SYT16: variants seen among roughly 807,000 people sequenced by gnomAD.
The protein encoded by SYT16 is synaptotagmin 16, also known as synaptotagmin-16.
SYT16 carries 42 observed loss-of-function variants against 61.4 expected under a neutral mutation model. That is an observed-to-expected ratio of 0.68 (90% CI 0.53 to 0.89). The LOEUF is 0.89. Among genes scored for constraint, SYT16 ranks in the 40% least tolerant of loss-of-function variants. The probability of loss-of-function intolerance (pLI) is 0.00; values close to 1 mark genes in which losing one functional copy is unlikely to be tolerated. For synonymous variants in SYT16, 314 were observed against 302.3 expected, an observed-to-expected ratio of 1.04 and a Z score of -0.40; for missense variants, 804 against 807.3, an observed-to-expected ratio of 1.00 and a Z score of 0.05.
At chr14:62,070,802 T>C (rs2056269673) in intron 4 of SYT16, among the ~76,000 whole-genome samples, 1 of 152,158 alleles carries the variant, frequency 6.6e-6, no homozygotes. Flanking sequence ...TCTCTAACCT[T>C]TCCTTCTTTC....
At chr14:61,916,936 C>A (rs186579634) in intron 1 of SYT16, among the ~76,000 whole-genome samples, 1 of 152,048 alleles carries the variant, frequency 6.6e-6, no homozygotes, top group Non-Finnish European at 1.5e-5. Flanking sequence ...CTTTTTTTAA[C>A]CAAATAGTAT....
Position 62,101,230 on chromosome 14 carries a change from C to A in SYT16, c.*523C>A, listed in dbSNP as rs1407263780. 1.3e-5 allele frequency: 2 copies of A among 152,572 alleles called. No individual in the cohort carries two copies. Among genetic ancestry groups the A allele is most frequent in the African/African-American group, 4.8e-5 (2 of 41,426 alleles). 9.5% of individuals were successfully genotyped at this position (152,572 alleles called of 1,614,324 possible). A position where few individuals can be genotyped will look rare whatever the true frequency, so the allele number is the denominator to read the frequency against. On this transcript the variant is annotated 3_prime_UTR_variant, in exon 8 of 8. Coordinates refer to ENST00000683842, the MANE Select transcript of SYT16 (RefSeq NM_001367656.1). ...ACATTTTTCTCTTTATCAAAGAAAC[C>A]TATTTACCTAACGAGTAAATATTAT...
intron 3 of SYT16, among the ~76,000 whole-genome samples, chr14:62,045,863 T>C (rs2054957017): frequency 1.3e-5 from 2 of 152,198 alleles, no homozygotes; most frequent in African/African-American, 4.8e-5. Context: ...TGTTGGACAT[T>C]TAGGTTGGTT....
rs1464367080 is a variant in SYT16 at position 62,108,226 on chromosome 14, T to C, written c.*7519T>C. On this transcript the variant is annotated 3_prime_UTR_variant, in exon 8 of 8. Transcript: ENST00000683842. ...GCAGGAGTTTTTCCAATGGATTTAT[T>C]GTTTATAATTCTACTAAACATGTCT... 6.6e-6 allele frequency: 1 copy of C among 152,210 alleles called. No individual in the cohort carries two copies. The highest frequency in any genetic ancestry group is 2.4e-5 in the African/African-American group (1 of 41,458). The allele number at this position is 152,210 out of a possible 1,614,324, so 9.4% of individuals were successfully genotyped here.
chr14:61,821,504 T>C (rs2045617727), intron 1 of SYT16, among the ~76,000 whole-genome samples: 1 of 152,184 alleles, frequency 6.6e-6, no homozygotes, highest in Non-Finnish European at 1.5e-5. Context: ...GCAGATCCAC[T>C]ACTGAGCTCA....
At chr14:61,959,741 T>C (rs1002733191) in intron 1 of SYT16, among the ~76,000 whole-genome samples, 2 of 152,226 alleles carry the variant, frequency 1.3e-5, no homozygotes, top group African/African-American at 4.8e-5. Context: ...ATATTCTTTT[T>C]GTGTTCTTTA....
chr14:61,943,860 A>C (rs763252208), intron 1 of SYT16, among the ~76,000 whole-genome samples: 11 of 152,346 alleles, frequency 7.2e-5, no homozygotes, highest in Non-Finnish European at 1.6e-4. Flanking sequence ...CCTTTTCAAG[A>C]TAATATTGAA....
chr14:62,058,631 TG>T (rs1263084991), intron 3 of SYT16, among the ~76,000 whole-genome samples: 1 of 152,184 alleles, frequency 6.6e-6, no homozygotes, highest in African/African-American at 2.4e-5. Context: ...CCCAAAGTGC[TG>T]GGATTACAGG....
intron 3 of SYT16, among the ~76,000 whole-genome samples, chr14:62,048,581 T>A (rs1284591902): frequency 6.6e-6 from 1 of 152,266 alleles, no homozygotes; most frequent in Non-Finnish European, 1.5e-5. Context: ...GGTGTCAATT[T>A]TAAATCTTTC....
chr14:61,888,231 C>T (rs1390814687), intron 1 of SYT16, among the ~76,000 whole-genome samples: 2 of 151,568 alleles, frequency 1.3e-5, no homozygotes, highest in African/African-American at 4.9e-5. Flanking sequence ...GATTCTCCTG[C>T]CTCAGCCTCC....
chr14:61,876,325 G>T (rs1419525304), intron 1 of SYT16, among the ~76,000 whole-genome samples: 1 of 152,218 alleles, frequency 6.6e-6, no homozygotes. Context: ...CACTCACGCT[G>T]AAATGTGCAG....
chr14:61,936,635 C>G (rs561328582), intron 1 of SYT16, among the ~76,000 whole-genome samples: 2 of 152,162 alleles, frequency 1.3e-5, no homozygotes. Context: ...CACTTTTTCT[C>G]TCTTCATTTT....
intron 3 of SYT16, among the ~76,000 whole-genome samples, chr14:62,013,652 C>A (rs543729051): frequency 6.6e-6 from 1 of 152,272 alleles, no homozygotes; most frequent in East Asian, 1.9e-4. Context: ...CTTTACCTGA[C>A]TTATTTTGAC....
At chr14:61,910,599 C>G (rs1188672493) in intron 1 of SYT16, among the ~76,000 whole-genome samples, 3 of 150,788 alleles carry the variant, frequency 2.0e-5, no homozygotes, top group Admixed American at 1.3e-4. Context: ...GGCATGATCT[C>G]AGCTCACTGC....
intron 1 of SYT16, among the ~76,000 whole-genome samples, chr14:61,862,023 TA>T (rs557649130): frequency 4.0e-5 from 6 of 151,886 alleles, no homozygotes; most frequent in South Asian, 4.2e-4. Context: ...TTTCAATTTG[TA>T]AAAAAAACAC....
rs71117856 is a variant in SYT16 at position 61,820,469 on chromosome 14, G to GTTTTTTT, written c.-325+7683_-325+7689dup. On this transcript the variant is annotated intron_variant, in intron 1 of 7. Coordinates refer to ENST00000683842, the MANE Select transcript of SYT16 (RefSeq NM_001367656.1). ...ATATGCTTCAGGGCACCTCTTCAGAGTTTTTTTTTTTTTTTTTTTTTTTTT... is the reference window on the plus strand; with the variant it reads ...ATATGCTTCAGGGCACCTCTTCAGAGTTTTTTTTTTTTTTTTTTTTTTTTTTTTTTTT... 9.7e-4 allele frequency among the ~76,000 whole-genome samples: 59 copies of GTTTTTTT among 61,090 alleles called. 12 individuals carry two copies. Among genetic ancestry groups the GTTTTTTT allele is most frequent in the African/African-American group, 2.3e-3 (33 of 14,434 alleles). The allele number at this position is 61,090 out of a possible 152,430, so 40.1% of individuals were successfully genotyped here.
intron 1 of SYT16, chr14:61,864,746 T>C: frequency 1.0e-6 from 1 of 989,646 alleles, no homozygotes; most frequent in East Asian, 2.4e-5. Context: ...ACTCGCTACC[T>C]GGTTAATGAC....
chr14:61,849,508 G>T (rs995135526), intron 1 of SYT16, among the ~76,000 whole-genome samples: 2 of 152,134 alleles, frequency 1.3e-5, no homozygotes, highest in African/African-American at 4.8e-5. Flanking sequence ...TGCTTGGATG[G>T]GTGATTTCCC....
intron 3 of SYT16, among the ~76,000 whole-genome samples, chr14:62,026,324 T>C (rs943194198): frequency 6.6e-6 from 1 of 152,230 alleles, no homozygotes; most frequent in Non-Finnish European, 1.5e-5. Flanking sequence ...GAGTAATTTA[T>C]AAAGAAAAGA....
Sources: allele counts gnomAD v4.1 joint callset (sites outside exome capture counted in the v4.1 genomes callset), GRCh38; gene constraint gnomAD v4.1.1; transcripts MANE v1.5; gene names NCBI Gene and HGNC (gene_info 2026-07-23, HGNC 2026-07-21).